NXPE4: variants seen among roughly 807,000 people sequenced by gnomAD.
The protein encoded by NXPE4 is NXPE family member 4.
A neutral mutation model predicts 33.3 loss-of-function variants in NXPE4; 42 were observed. The ratio of observed to expected loss-of-function variants is 1.26; its 90% CI spans 0.98 to 1.63. The LOEUF (loss-of-function observed/expected upper bound fraction) is 1.63, where lower values mean the gene tolerates loss of function less well. Ranked by LOEUF, NXPE4 falls within the 40% of genes most tolerant of loss-of-function variation. The probability of loss-of-function intolerance (pLI) is 0.00; values close to 1 mark genes in which losing one functional copy is unlikely to be tolerated. For missense variants in NXPE4, 709 were observed against 647.6 expected, an observed-to-expected ratio of 1.09 and a Z score of -1.03; for synonymous variants, 253 against 234.9, an observed-to-expected ratio of 1.08 and a Z score of -0.71.
At chr11:114,617,010 GATA>G in the NXPE4 span, among the ~76,000 whole-genome samples, 65 of 151,594 alleles carry the variant, frequency 4.3e-4, 2 homozygotes, top group Non-Finnish European at 8.8e-4. Context: ...TTACCTGGTG[GATA>G]ATAAGTATTT....
the NXPE4 span, among the ~76,000 whole-genome samples, chr11:114,609,861 G>T: frequency 1.3e-4 from 19 of 151,608 alleles, 1 homozygote; most frequent in Admixed American, 1.3e-3. Context: ...TTGCCTCGCG[G>T]GTAACCACTC....
chr11:114,650,573 G>GA, the NXPE4 span, among the ~76,000 whole-genome samples: 2,068 of 151,178 alleles, frequency 0.014, 34 homozygotes, highest in African/African-American at 0.047. Context: ...CAGGAAGTGA[G>GA]AAAAAATCTA....
At chr11:114,604,879 C>T in the NXPE4 span, among the ~76,000 whole-genome samples, 1,557 of 152,052 alleles carry the variant, frequency 0.01, 26 homozygotes, top group African/African-American at 0.035. Flanking sequence ...TAATTGTTGC[C>T]TCACGGGTAA....
upstream of NXPE4, among the ~76,000 whole-genome samples, chr11:114,600,461 A>C (rs187990473): frequency 2.0e-5 from 3 of 152,280 alleles, no homozygotes; most frequent in East Asian, 5.8e-4. Flanking sequence ...TGTACTGAGA[A>C]GGGCACATCA....
chr11:114,635,802 C>A, the NXPE4 span, among the ~76,000 whole-genome samples: 11 of 152,084 alleles, frequency 7.2e-5, no homozygotes, highest in African/African-American at 2.4e-4. Flanking sequence ...GGCTTGCATC[C>A]CAGGGATGAA....
chr11:114,622,937 G>T, the NXPE4 span, among the ~76,000 whole-genome samples: 509 of 152,222 alleles, frequency 3.3e-3, 3 homozygotes, highest in African/African-American at 0.011. Context: ...ATTGCCTCGT[G>T]GGTTACCACT....
intron 5 of NXPE4, among the ~76,000 whole-genome samples, chr11:114,577,016 T>TATATATAC (rs1338297580): frequency 2.8e-5 from 2 of 72,224 alleles, no homozygotes; most frequent in Non-Finnish European, 5.1e-5. Context: ...AAGTTATATA[T>TATATATAC]ATATATATAT....
the NXPE4 span, among the ~76,000 whole-genome samples, chr11:114,619,576 G>A: frequency 5.3e-5 from 8 of 150,172 alleles, no homozygotes; most frequent in African/African-American, 2.0e-4. Flanking sequence ...GGTGGATAAT[G>A]TGTTGCCTCG....
chr11:114,637,789 G>GC, the NXPE4 span, among the ~76,000 whole-genome samples: 1 of 151,884 alleles, frequency 6.6e-6, no homozygotes, highest in Non-Finnish European at 1.5e-5. Flanking sequence ...TTGAATATTG[G>GC]CCCCCACTCT....
chr11:114,615,943 G>A, the NXPE4 span, among the ~76,000 whole-genome samples: 2 of 151,576 alleles, frequency 1.3e-5, no homozygotes, highest in African/African-American at 2.4e-5. Context: ...CGACTTATGG[G>A]TAACCACTGT....
At chr11:114,661,532 C>T in the NXPE4 span, among the ~76,000 whole-genome samples, 2 of 152,182 alleles carry the variant, frequency 1.3e-5, no homozygotes, top group African/African-American at 4.8e-5. Flanking sequence ...AAGTACTCTC[C>T]TCTGAGTTTT....
chr11:114,606,344 T>A, the NXPE4 span, among the ~76,000 whole-genome samples: 1 of 151,468 alleles, frequency 6.6e-6, no homozygotes, highest in East Asian at 1.9e-4. Context: ...TGTTACCTTG[T>A]GGGTAACTAC....
the NXPE4 span, among the ~76,000 whole-genome samples, chr11:114,614,094 T>C: frequency 6.6e-6 from 1 of 151,852 alleles, no homozygotes; most frequent in Non-Finnish European, 1.5e-5. Context: ...ACCTGGTTTA[T>C]AATAAGTGTT....
the NXPE4 span, among the ~76,000 whole-genome samples, chr11:114,641,353 A>T: frequency 3.3e-5 from 5 of 152,210 alleles, no homozygotes; most frequent in African/African-American, 1.2e-4. Flanking sequence ...AGTACACATG[A>T]AACCCAAAAA....
At chr11:114,659,666 G>C in the NXPE4 span, among the ~76,000 whole-genome samples, 1 of 152,042 alleles carries the variant, frequency 6.6e-6, no homozygotes, top group Non-Finnish European at 1.5e-5. Flanking sequence ...GGGGATGCAG[G>C]TAAAGCAGTG....
the NXPE4 span, among the ~76,000 whole-genome samples, chr11:114,646,368 T>C: frequency 6.6e-6 from 1 of 151,836 alleles, no homozygotes; most frequent in African/African-American, 2.4e-5. Flanking sequence ...TCTATTAAAA[T>C]AAGTGTTAAT....
chr11:114,673,587 A>G, the NXPE4 span, among the ~76,000 whole-genome samples: 1 of 151,780 alleles, frequency 6.6e-6, no homozygotes, highest in Admixed American at 6.6e-5. Context: ...AGAATAACTC[A>G]GAATAAAAGA....
the NXPE4 span, among the ~76,000 whole-genome samples, chr11:114,627,846 C>T: frequency 3.3e-5 from 5 of 150,454 alleles, no homozygotes; most frequent in African/African-American, 1.2e-4. Context: ...AAATGGAAAA[C>T]AAAAAAATGC....
chr11:114,664,559 T>A, the NXPE4 span, among the ~76,000 whole-genome samples: 1 of 152,198 alleles, frequency 6.6e-6, no homozygotes, highest in Non-Finnish European at 1.5e-5. Context: ...CAGACTGTTC[T>A]GCACACACAG....
Sources: gnomAD v4.1 joint callset for allele counts (sites outside exome capture counted in the v4.1 genomes callset) on GRCh38, gnomAD v4.1.1 for gene constraint, MANE v1.5 for transcripts, NCBI Gene and HGNC (gene_info 2026-07-23, HGNC 2026-07-21) for gene names.